The following NEK11 variants were observed in gnomAD, a reference collection of about 807,000 sequenced individuals.
NEK11 encodes the protein serine/threonine-protein kinase Nek11.
In NEK11, 72 loss-of-function variants were observed where a neutral mutation model predicts 80.7. The ratio of observed to expected loss-of-function variants is 0.89; its 90% CI spans 0.74 to 1.08. The LOEUF (loss-of-function observed/expected upper bound fraction) is 1.08, where lower values mean the gene tolerates loss of function less well. Among genes scored for constraint, NEK11 ranks in the 50% least tolerant of loss-of-function variants. The pLI is 0.00. For synonymous variants in NEK11, 251 were observed against 260.7 expected, an observed-to-expected ratio of 0.96 and a Z score of 0.36; for missense variants, 764 against 763.6, an observed-to-expected ratio of 1.00 and a Z score of -0.01.
chr3:131,093,971 G>A (rs1335784441), intron 4 of NEK11, among the ~76,000 whole-genome samples: 1 of 148,654 alleles, frequency 6.7e-6, no homozygotes, highest in African/African-American at 2.5e-5. Context: ...TGTGATCTTG[G>A]GAAAGCTGTC....
intron 17 of NEK11, among the ~76,000 whole-genome samples, chr3:131,345,089 G>C (rs1348684642): frequency 6.6e-6 from 1 of 151,754 alleles, no homozygotes; most frequent in African/African-American, 2.4e-5. Context: ...TTTGTCAATT[G>C]TGTTTTGTTT....
chr3:131,210,580 G>A (rs2094578711), intron 14 of NEK11, among the ~76,000 whole-genome samples: 1 of 152,142 alleles, frequency 6.6e-6, no homozygotes, highest in Non-Finnish European at 1.5e-5. Flanking sequence ...GGGTGTTAAA[G>A]TCTCCCATTA....
At chr3:131,215,504 G>A (rs1402371089) in intron 14 of NEK11, among the ~76,000 whole-genome samples, 1 of 152,096 alleles carries the variant, frequency 6.6e-6, no homozygotes, top group East Asian at 1.9e-4. Flanking sequence ...GCCTTTCTCT[G>A]GGCAAGGGGG....
At chr3:131,254,461 A>G (rs1303071393) in intron 16 of NEK11, among the ~76,000 whole-genome samples, 4 of 152,210 alleles carry the variant, frequency 2.6e-5, no homozygotes, top group Non-Finnish European at 5.9e-5. Context: ...TCTCTGGTCT[A>G]TATCAGTGTT....
intron 16 of NEK11, among the ~76,000 whole-genome samples, chr3:131,255,628 C>A (rs537740756): frequency 1.1e-4 from 17 of 152,272 alleles, no homozygotes; most frequent in African/African-American, 3.4e-4. Flanking sequence ...TGAGCTTTCA[C>A]ACTGCTTGAT....
intron 7 of NEK11, among the ~76,000 whole-genome samples, chr3:131,140,533 A>G (rs1204761348): frequency 1.3e-5 from 2 of 152,154 alleles, no homozygotes; most frequent in Non-Finnish European, 1.5e-5. Context: ...TTGTTGTTTT[A>G]AGGTACTAAG....
intron 17 of NEK11, among the ~76,000 whole-genome samples, chr3:131,322,270 T>C (rs567579732): frequency 1.8e-4 from 28 of 152,210 alleles, no homozygotes; most frequent in South Asian, 1.0e-3. Context: ...TTGTCACTTA[T>C]AGGCAATGAA....
At chr3:131,107,468 C>G (rs2079385686) in intron 4 of NEK11, among the ~76,000 whole-genome samples, 1 of 152,016 alleles carries the variant, frequency 6.6e-6, no homozygotes, top group African/African-American at 2.4e-5. Context: ...CCTCTTCTCT[C>G]TCCTTTCACT....
rs72989865 is a variant in NEK11, at chr3:131,175,208, T to A, written c.1399+4321T>A. ...CTCACTCACTAATTCCACTTTTAGA[T>A]AGTTATCTGAAAGAAAACCTTTACT... On this transcript the variant is annotated intron_variant, in intron 14 of 17. Coordinates refer to ENST00000383366, the MANE Select transcript of NEK11 (RefSeq NM_024800.5). The A allele has an allele frequency of 2.2e-4, 162 of 751,370 alleles. No individual in the cohort carries two copies. In the African/African-American group the frequency reaches 2.8e-3, roughly 13 times the overall value. The allele number at this position is 751,370 out of a possible 1,614,324, so 46.5% of individuals were successfully genotyped here. A position where few individuals can be genotyped will look rare whatever the true frequency, so the allele number is the denominator to read the frequency against.
chr3:131,105,410 A>C (rs2079033185), intron 4 of NEK11, among the ~76,000 whole-genome samples: 1 of 152,186 alleles, frequency 6.6e-6, no homozygotes, highest in Non-Finnish European at 1.5e-5. Flanking sequence ...ATCACGTATA[A>C]AATTTCTTTC....
At chr3:131,175,817 T>C (rs575426107) in intron 14 of NEK11, among the ~76,000 whole-genome samples, 1 of 152,174 alleles carries the variant, frequency 6.6e-6, no homozygotes, top group East Asian at 1.9e-4. Flanking sequence ...GAAGAAACAA[T>C]GTAATGCTTA....
At chr3:131,291,480 T>G (rs1228843794) in intron 17 of NEK11, among the ~76,000 whole-genome samples, 4 of 152,184 alleles carry the variant, frequency 2.6e-5, no homozygotes, top group Non-Finnish European at 5.9e-5. Context: ...TAAAAATATG[T>G]GCAGTTTTGT....
At chr3:131,139,897 G>A (rs2086496949) in intron 7 of NEK11, among the ~76,000 whole-genome samples, 2 of 152,182 alleles carry the variant, frequency 1.3e-5, no homozygotes, top group African/African-American at 2.4e-5. Context: ...CATCAGGGGC[G>A]AGGAAAGAGT....
intron 17 of NEK11, among the ~76,000 whole-genome samples, chr3:131,288,250 C>T (rs1247803524): frequency 1.3e-5 from 2 of 152,092 alleles, no homozygotes; most frequent in Non-Finnish European, 2.9e-5. Flanking sequence ...TTCAGGTCTT[C>T]CTCCTCCACA....
At chr3:131,328,438 C>A (rs2097014104) in intron 17 of NEK11, 2 of 152,190 alleles carry the variant, frequency 1.3e-5, no homozygotes, top group South Asian at 4.1e-4. Context: ...GGTCCTCTGC[C>A]TTCAAGGGTC....
chr3:131,085,594 G>A (rs1463897501), intron 4 of NEK11, among the ~76,000 whole-genome samples: 2 of 152,082 alleles, frequency 1.3e-5, no homozygotes, highest in Admixed American at 6.6e-5. Flanking sequence ...TTCGCAGTAC[G>A]GGAAAGATTA....
At chr3:131,285,917 G>A (rs569566290) in intron 17 of NEK11, among the ~76,000 whole-genome samples, 1 of 152,260 alleles carries the variant, frequency 6.6e-6, no homozygotes, top group Non-Finnish European at 1.5e-5. Flanking sequence ...AACAATCTGG[G>A]TTTGCAACTT....
chr3:131,174,956 T>C, intron 14 of NEK11: 1 of 1,401,664 alleles, frequency 7.1e-7, no homozygotes, highest in Non-Finnish European at 9.3e-7. Flanking sequence ...GTTCAGCCAC[T>C]CTTTAAGCAA....
chr3:131,115,494 C>A (rs1199924511), intron 5 of NEK11, among the ~76,000 whole-genome samples: 2 of 152,214 alleles, frequency 1.3e-5, no homozygotes, highest in African/African-American at 4.8e-5. Context: ...AATCTGTTCA[C>A]TCCTTTGGAG....
Sources: allele counts gnomAD v4.1 joint callset (sites outside exome capture counted in the v4.1 genomes callset), GRCh38; gene constraint gnomAD v4.1.1; transcripts MANE v1.5; gene names NCBI Gene and HGNC (gene_info 2026-07-23, HGNC 2026-07-21).